Variants in CDV3 observed in about 807,000 individuals in gnomAD.
CDV3 encodes protein CDV3 homolog.
Under a neutral mutation model 24.5 loss-of-function variants are expected in CDV3, and 14 were observed. The observed-to-expected ratio is 0.57, with a 90% CI of 0.38 to 0.89. The LOEUF is 0.89. Ranked by LOEUF, CDV3 falls within the 40% of genes least tolerant of loss-of-function variation. CDV3 has a pLI of 0.00. For missense variants in CDV3, 304 were observed against 310.2 expected (o/e 0.98, Z 0.15); for synonymous variants, 114 against 114.1 (o/e 1.00, Z 0.00).
Position 133,582,102 on chromosome 3 carries a change from C to G in CDV3, c.318-1900C>G, listed in dbSNP as rs545566809. Among the ~76,000 whole-genome samples the G allele has an allele frequency of 2.7e-4, 41 of 152,252 alleles. 1 individual carries two copies. Among genetic ancestry groups the G allele is most frequent in the African/African-American group, 8.4e-4 (35 of 41,564 alleles). ...CTCTTCCTCATTGTCACTCTAGCCT[C>G]CAAATTCTGCAGTCACTTCTGGTTG... On this transcript the variant is annotated intron_variant, in intron 2 of 4. Coordinates refer to ENST00000264993, the MANE Select transcript of CDV3 (RefSeq NM_017548.5).
intron 2 of CDV3, 111 bp from the exon 3 acceptor site, chr3:133,583,891 A>G (rs549915446): frequency 1.1e-5 from 8 of 738,560 alleles, no homozygotes; most frequent in East Asian, 2.7e-5. Context: ...TTCAGTCTCG[A>G]AAGAGATTGA....
chr3:133,588,196 G>A lies in CDV3; in HGVS notation c.*150G>A, dbSNP rs1461888073. ...GCCCTATTGCACTATGGAAGTTAAA[G>A]TGTCACGACTGCTCTATGCATATTG... On this transcript the variant is annotated 3_prime_UTR_variant, in exon 5 of 5. Transcript: ENST00000264993. 3.3e-6 allele frequency: 5 copies of A among 1,527,682 alleles called. No homozygotes were observed. The African/African-American group carries it at 6.9e-5, about 21-fold the overall frequency. 94.6% of individuals were successfully genotyped at this position (1,527,682 alleles called of 1,614,324 possible). A position where few individuals can be genotyped will look rare whatever the true frequency, so the allele number is the denominator to read the frequency against.
intron 2 of CDV3, among the ~76,000 whole-genome samples, chr3:133,577,082 G>A (rs892469717): frequency 2.0e-5 from 3 of 151,740 alleles, no homozygotes; most frequent in African/African-American, 4.8e-5. Context: ...TCCTGACCTC[G>A]TGATCCGCCC....
At chr3:133,577,123 GGT>G (rs2074845586) in intron 2 of CDV3, among the ~76,000 whole-genome samples, 1 of 151,846 alleles carries the variant, frequency 6.6e-6, no homozygotes, top group Non-Finnish European at 1.5e-5. Context: ...TGGGATTACA[GGT>G]GTGAGCCACA....
rs1252516818 is a variant in CDV3, at chr3:133,587,970, A to C, written c.701A>C (p.Gln234Pro). The C allele has an allele frequency of 6.2e-7, 1 of 1,614,172 alleles. No homozygotes were observed. Among genetic ancestry groups the C allele is most frequent in the Admixed American group, 1.7e-5 (1 of 60,030 alleles). ...NRGRDEVSKNQALKLQLDNQY... is the reference protein window; with the variant it reads ...NRGRDEVSKNPALKLQLDNQY... ...GGTAGGGATGAGGTTTCAAAAAACC[A>C]GGCCCTTAAACTTCAGCTAGACAAC... is the stretch of plus-strand genomic sequence containing the variant. The change falls in exon 5 of 5, where the codon CAG becomes CCG. Residue 234 changes from glutamine to proline, a missense_variant. Coordinates refer to ENST00000264993, the MANE Select transcript of CDV3 (RefSeq NM_017548.5).
In CDV3 at chr3:133,579,598, CT is replaced by C. The variant is rs1426249965; in HGVS notation, c.318-4392del. On this transcript the variant is annotated intron_variant, in intron 2 of 4. Transcript: ENST00000264993. The stretch of plus-strand genomic sequence containing the variant: ...GAAGAGTGTTTTTGGTTTGTTCGTT[CT>C]TTTTTTTTTTTGATAGAGTTTTTGC... 2.1e-3 allele frequency among the ~76,000 whole-genome samples: 311 copies of C among 144,916 alleles called. 2 individuals are homozygous for C. The highest frequency in any genetic ancestry group is 3.5e-3 in the Middle Eastern group (1 of 284).
chr3:133,575,575 A>G (rs533380960), intron 2 of CDV3, among the ~76,000 whole-genome samples: 3 of 152,154 alleles, frequency 2.0e-5, no homozygotes, highest in African/African-American at 7.3e-5. Flanking sequence ...AACCTGTGCA[A>G]TAAGCACCAG....
chr3:133,574,338 T>TGTGCCC (rs2074717300), intron 1 of CDV3, 54 bp downstream of exon 1: 13 of 914,358 alleles, frequency 1.4e-5, no homozygotes, highest in Non-Finnish European at 1.6e-5. Flanking sequence ...CGGCGCCCCA[T>TGTGCCC]GTGCCCGCCC....
chr3:133,585,212 A>G (rs140318734), intron 3 of CDV3, among the ~76,000 whole-genome samples: 28 of 151,962 alleles, frequency 1.8e-4, no homozygotes, highest in African/African-American at 5.8e-4. Flanking sequence ...CCACCTGTTT[A>G]TTTTATTGTA....
chr3:133,587,917 C>A lies in CDV3; in HGVS notation c.648C>A (p.Ser216Arg), dbSNP rs1394093812. The stretch of plus-strand genomic sequence containing the variant: ...TTAGGGATAAAGAAATGGAGAAGAG[C>A]TTTGAAGTAGTAAGACACAAAAATA... ...ESRKDKEMEKSFEVVRHKNRG... is the reference protein window; with the variant it reads ...ESRKDKEMEKRFEVVRHKNRG... Residue 216 changes from serine (S) to arginine (R), a missense_variant, in exon 5 of 5, where the codon AGC becomes AGA. Ser to Arg is a moderately radical substitution (Grantham distance 110). Coordinates refer to ENST00000264993, the MANE Select transcript of CDV3 (RefSeq NM_017548.5). 1 of 1,610,548 alleles carries A rather than the reference C, an allele frequency of 6.2e-7. No homozygotes were observed. The highest frequency in any genetic ancestry group is 8.5e-7 in the Non-Finnish European group (1 of 1,177,806).
In CDV3 at chr3:133,588,223, AT is replaced by A. The variant is rs1233145915; in HGVS notation, c.*180del. 17 of 1,536,424 alleles carry A rather than the reference AT, an allele frequency of 1.1e-5. No homozygotes were observed. Among genetic ancestry groups the A allele is most frequent in the Non-Finnish European group, 1.5e-5 (17 of 1,140,922 alleles). On this transcript the variant is annotated 3_prime_UTR_variant, in exon 5 of 5. Coordinates refer to ENST00000264993, the MANE Select transcript of CDV3 (RefSeq NM_017548.5). ...GTCACGACTGCTCTATGCATATTGGATTTAGGGGAATTTTCATTGTTACATA... is the reference window on the plus strand; with the variant it reads ...GTCACGACTGCTCTATGCATATTGGATTAGGGGAATTTTCATTGTTACATA...
chr3:133,587,319 C>T (rs1195304823), intron 4 of CDV3: 2 of 1,253,740 alleles, frequency 1.6e-6, no homozygotes, highest in Admixed American at 8.0e-5. Flanking sequence ...AGAATAAATC[C>T]CAGCCTTTTC....
At chr3:133,581,754 T>C (rs1486665140) in intron 2 of CDV3, among the ~76,000 whole-genome samples, 1 of 152,210 alleles carries the variant, frequency 6.6e-6, no homozygotes, top group East Asian at 1.9e-4. Flanking sequence ...TATAAAACTT[T>C]TTAAAATTGT....
rs1227598252 is a variant in CDV3, at chr3:133,588,909, T to G, written c.*863T>G. ...GAAATAAGTTCTTTGACAGAGCATA[T>G]TGCTTGGTTAATTAAGTAACCTAAA... is the stretch of plus-strand genomic sequence containing the variant. On this transcript the variant is annotated 3_prime_UTR_variant, in exon 5 of 5. Coordinates refer to ENST00000264993, the MANE Select transcript of CDV3 (RefSeq NM_017548.5). 6.5e-6 allele frequency: 1 copy of G among 153,192 alleles called. No homozygotes were observed. Among genetic ancestry groups the G allele is most frequent in the African/African-American group, 2.4e-5 (1 of 41,422 alleles). The allele number at this position is 153,192 out of a possible 1,614,324, so 9.5% of individuals were successfully genotyped here.
At position 133,579,457 on chromosome 3, in the gene CDV3, C is replaced by A. The variant is rs771057638; in HGVS notation, c.317+4342C>A. The stretch of plus-strand genomic sequence containing the variant: ...ATGACATTTGGAGAGTTGATACTTT[C>A]TGAAATATGTAAAGATGAAAAAGTA... On this transcript the variant is annotated intron_variant, in intron 2 of 4. Coordinates refer to ENST00000264993, the MANE Select transcript of CDV3 (RefSeq NM_017548.5). 1.2e-4 allele frequency among the ~76,000 whole-genome samples: 19 copies of A among 152,136 alleles called. 1 individual carries two copies. The highest frequency in any genetic ancestry group is 2.6e-4 in the Non-Finnish European group (18 of 68,026).
chr3:133,578,148 CCT>C (rs2074887689), intron 2 of CDV3, among the ~76,000 whole-genome samples: 2 of 152,142 alleles, frequency 1.3e-5, no homozygotes, highest in Admixed American at 1.3e-4. Flanking sequence ...AGTTGCCACC[CCT>C]GACTAATCTT....
chr3:133,578,019 T>G (rs1419012295), intron 2 of CDV3, among the ~76,000 whole-genome samples: 2 of 152,156 alleles, frequency 1.3e-5, no homozygotes, highest in Non-Finnish European at 2.9e-5. Flanking sequence ...TGAGACAGTC[T>G]CACTTTGTCA....
Position 133,588,636 on chromosome 3 carries a change from C to A in CDV3, c.*590C>A. The A allele has an allele frequency of 1.8e-6, 1 of 541,102 alleles. No homozygotes were observed. The highest frequency in any genetic ancestry group is 3.3e-6 in the Non-Finnish European group (1 of 302,564). 33.5% of individuals were successfully genotyped at this position (541,102 alleles called of 1,614,324 possible). A position where few individuals can be genotyped will look rare whatever the true frequency, so the allele number is the denominator to read the frequency against. ...GTAGGCTGTTGTTATATTAGACTTC[C>A]TGGAACACACTGCTGAAAAGAACTG... On this transcript the variant is annotated 3_prime_UTR_variant, in exon 5 of 5. Transcript: ENST00000264993.
At chr3:133,585,575 A>G (rs1253072817) in intron 3 of CDV3, among the ~76,000 whole-genome samples, 1 of 149,460 alleles carries the variant, frequency 6.7e-6, no homozygotes, top group Admixed American at 6.7e-5. Context: ...GGTCACTGCA[A>G]CCTCCGCCTC....
Sources: gnomAD v4.1 joint callset for allele counts (sites outside exome capture counted in the v4.1 genomes callset) on GRCh38, gnomAD v4.1.1 for gene constraint, MANE v1.5 for transcripts, NCBI Gene and HGNC (gene_info 2026-07-23, HGNC 2026-07-21) for gene names.